Variants in NTRK2 observed in about 807,000 individuals in gnomAD.
NTRK2 encodes neurotrophic receptor tyrosine kinase 2.
Under a neutral mutation model 94.5 loss-of-function variants are expected in NTRK2, and 13 were observed. The ratio of observed to expected loss-of-function variants is 0.14; its 90% CI spans 0.09 to 0.22. The LOEUF (loss-of-function observed/expected upper bound fraction) is 0.22, where lower values mean the gene tolerates loss of function less well. NTRK2 is among the 10% of genes least tolerant of loss of function. NTRK2 has a pLI of 1.00. For synonymous variants in NTRK2, 372 were observed against 407.4 expected (o/e 0.91, Z 1.05); for missense variants, 639 against 1,071.2 (o/e 0.60, Z 5.63).
intron 11 of NTRK2, among the ~76,000 whole-genome samples, chr9:84,750,175 C>G (rs2064458007): frequency 6.6e-6 from 1 of 152,114 alleles, no homozygotes; most frequent in African/African-American, 2.4e-5. Flanking sequence ...GTTAATAATG[C>G]CTGGCCTCTA....
rs2075882509 is a variant in NTRK2 at position 84,871,996 on chromosome 9, G to A, written c.1633+4565G>A. The A allele has an allele frequency of 6.5e-6, 10 of 1,529,746 alleles. No individual in the cohort carries two copies. The South Asian group carries it at 1.1e-4, about 17-fold the overall frequency. The allele number at this position is 1,529,746 out of a possible 1,614,324, so 94.8% of individuals were successfully genotyped here. ...CAAGAAGTTGCCTTTCCAAGACAAA[G>A]CAGTGTGCTCTAATGACTAACCCCT... On this transcript the variant is annotated intron_variant, in intron 14 of 18. Transcript: ENST00000277120.
At chr9:84,838,462 A>G (rs1042753483) in intron 12 of NTRK2, among the ~76,000 whole-genome samples, 12 of 143,602 alleles carry the variant, frequency 8.4e-5, no homozygotes, top group Non-Finnish European at 1.9e-4. Flanking sequence ...TTCAGTGTAT[A>G]TTGTATATGC....
intron 17 of NTRK2, among the ~76,000 whole-genome samples, chr9:84,965,946 A>G (rs895766351): frequency 6.6e-6 from 1 of 152,192 alleles, no homozygotes. Context: ...ACATCAACGT[A>G]GCATAATACT....
chr9:84,860,839 C>G (rs2075300152), intron 12 of NTRK2, among the ~76,000 whole-genome samples: 1 of 152,068 alleles, frequency 6.6e-6, no homozygotes, highest in Non-Finnish European at 1.5e-5. Flanking sequence ...ACACAAAAAT[C>G]CAAGGGTTAG....
At chr9:85,010,055 C>A (rs957244153) in intron 17 of NTRK2, among the ~76,000 whole-genome samples, 2 of 152,206 alleles carry the variant, frequency 1.3e-5, no homozygotes, top group Non-Finnish European at 2.9e-5. Flanking sequence ...ACTCTCTCTA[C>A]TTGCTGGACA....
intron 14 of NTRK2, among the ~76,000 whole-genome samples, chr9:84,921,650 G>A (rs1179175450): frequency 6.6e-6 from 1 of 152,164 alleles, no homozygotes; most frequent in Non-Finnish European, 1.5e-5. Flanking sequence ...GGAAAGTAGT[G>A]TCAGGATATG....
chr9:84,739,728 G>A (rs983577090), intron 9 of NTRK2, among the ~76,000 whole-genome samples: 9 of 152,158 alleles, frequency 5.9e-5, no homozygotes, highest in African/African-American at 1.4e-4. Context: ...GCTAAGGAGT[G>A]AAAGCCCCAG....
At chr9:84,831,608 C>T (rs2073551948) in intron 12 of NTRK2, among the ~76,000 whole-genome samples, 1 of 152,162 alleles carries the variant, frequency 6.6e-6, no homozygotes, top group South Asian at 2.1e-4. Context: ...ACCATTATCC[C>T]CATCCAGAGA....
intron 17 of NTRK2, among the ~76,000 whole-genome samples, chr9:84,973,725 A>C (rs1177726585): frequency 1.3e-5 from 2 of 152,200 alleles, no homozygotes; most frequent in African/African-American, 4.8e-5. Context: ...CAGTTGTGAA[A>C]TGAGGACAGC....
chr9:84,856,364 A>G (rs990654292), intron 12 of NTRK2, among the ~76,000 whole-genome samples: 3 of 152,200 alleles, frequency 2.0e-5, no homozygotes, highest in Admixed American at 2.0e-4. Flanking sequence ...TTGGCCCCAA[A>G]CTACACTGTT....
At chr9:84,988,401 A>C (rs1187044802) in intron 17 of NTRK2, among the ~76,000 whole-genome samples, 1 of 152,092 alleles carries the variant, frequency 6.6e-6, no homozygotes. Context: ...GTGAATCAGG[A>C]TCACCCTGGG....
rs965399836 is a variant in NTRK2 at position 85,025,352 on chromosome 9, C to T, written c.*3915C>T. 1 of 233,146 alleles carries T rather than the reference C, an allele frequency of 4.3e-6. No homozygotes were observed. Among genetic ancestry groups the T allele is most frequent in the African/African-American group, 2.2e-5 (1 of 45,356 alleles). 14.4% of individuals were successfully genotyped at this position (233,146 alleles called of 1,614,324 possible). A position where few individuals can be genotyped will look rare whatever the true frequency, so the allele number is the denominator to read the frequency against. ...TCTCTGTCTCACTGTGACCCCTTTA[C>T]ACTTGAGTTCAGAGTTCAAGCATTC... On this transcript the variant is annotated 3_prime_UTR_variant, in exon 19 of 19. Transcript: ENST00000277120.
chr9:84,749,432 T>C (rs1293916101), intron 11 of NTRK2, among the ~76,000 whole-genome samples: 2 of 152,176 alleles, frequency 1.3e-5, no homozygotes, highest in Non-Finnish European at 1.5e-5. Context: ...GAATTAGCCA[T>C]ATGTTTTTAT....
chr9:84,751,945 T>G, intron 11 of NTRK2, 41 bp from the exon 12 acceptor site: 1 of 1,482,028 alleles, frequency 6.7e-7, no homozygotes, highest in Non-Finnish European at 9.4e-7. Flanking sequence ...TATAGGGAAC[T>G]AATTAGCAAG....
intron 12 of NTRK2, chr9:84,813,720 C>G: frequency 1.9e-6 from 2 of 1,066,202 alleles, no homozygotes; most frequent in Non-Finnish European, 2.3e-6. Flanking sequence ...CCAGAGACAT[C>G]CTAGCAAATC....
At chr9:84,734,385 T>C (rs1031136781) in intron 9 of NTRK2, among the ~76,000 whole-genome samples, 3 of 152,226 alleles carry the variant, frequency 2.0e-5, no homozygotes, top group African/African-American at 4.8e-5. Flanking sequence ...TACCCAGAAA[T>C]GCTTTTATCT....
intron 17 of NTRK2, among the ~76,000 whole-genome samples, chr9:85,017,141 A>G (rs1832323615): frequency 6.6e-6 from 1 of 152,192 alleles, no homozygotes; most frequent in African/African-American, 2.4e-5. Context: ...GGAGAGTGAC[A>G]TATGATGATT....
intron 12 of NTRK2, chr9:84,814,772 G>A: frequency 9.4e-7 from 1 of 1,064,124 alleles, no homozygotes; most frequent in Non-Finnish European, 1.1e-6. Flanking sequence ...ATCTAGCATA[G>A]GGTCTCTCAG....
chr9:84,836,938 AAT>A (rs1304574998), intron 12 of NTRK2, among the ~76,000 whole-genome samples: 4 of 49,338 alleles, frequency 8.1e-5, no homozygotes, highest in African/African-American at 3.3e-4. Flanking sequence ...CGTAGAGTAT[AAT>A]ATAATATAAT....
Sources: allele counts gnomAD v4.1 joint callset (sites outside exome capture counted in the v4.1 genomes callset), GRCh38; gene constraint gnomAD v4.1.1; transcripts MANE v1.5; gene names NCBI Gene and HGNC (gene_info 2026-07-23, HGNC 2026-07-21).